PAFAH1B1: variants seen among roughly 807,000 people sequenced by gnomAD.
PAFAH1B1 encodes the protein platelet-activating factor acetylhydrolase IB subunit beta.
Under a neutral mutation model 57.5 loss-of-function variants are expected in PAFAH1B1, and 2 were observed. The observed-to-expected ratio is 0.03, with a 90% CI of 0.01 to 0.11. The LOEUF (loss-of-function observed/expected upper bound fraction) is 0.11. Among genes scored for constraint, PAFAH1B1 ranks in the 10% least tolerant of loss-of-function variants. The probability of loss-of-function intolerance (pLI) is 1.00; values close to 1 mark genes in which losing one functional copy is unlikely to be tolerated. For synonymous variants in PAFAH1B1, 152 were observed against 169.6 expected, an observed-to-expected ratio of 0.90 and a Z score of 0.81; for missense variants, 257 against 512.0, an observed-to-expected ratio of 0.50 and a Z score of 4.81.
intron 1 of PAFAH1B1, among the ~76,000 whole-genome samples, chr17:2,610,222 ATT>A (rs2068252351): frequency 6.6e-6 from 1 of 152,224 alleles, no homozygotes; most frequent in Admixed American, 6.6e-5. Flanking sequence ...TGGTCTCTGT[ATT>A]TGATTTGTAA....
chr17:2,620,232 T>C (rs1383199396), intron 1 of PAFAH1B1, among the ~76,000 whole-genome samples: 1 of 152,228 alleles, frequency 6.6e-6, no homozygotes, highest in Non-Finnish European at 1.5e-5. Context: ...GTTGATTGTC[T>C]AAGCCTAAAG....
intron 1 of PAFAH1B1, among the ~76,000 whole-genome samples, chr17:2,622,928 G>A (rs546998640): frequency 1.8e-4 from 28 of 152,304 alleles, no homozygotes; most frequent in Middle Eastern, 3.4e-3. Flanking sequence ...TCAACACCAC[G>A]TGGAAGCTGC....
chr17:2,649,156 G>A (rs948194721), intron 2 of PAFAH1B1, among the ~76,000 whole-genome samples: 5 of 150,406 alleles, frequency 3.3e-5, no homozygotes, highest in Non-Finnish European at 7.4e-5. Context: ...GGCAGAGGCT[G>A]CAGTGAGGCG....
Position 2,658,849 on chromosome 17 carries a change from G to A in PAFAH1B1, c.33-6523G>A, listed in dbSNP as rs1456832245. Among the ~76,000 whole-genome samples, 3 of 152,298 alleles carry A rather than the reference G, an allele frequency of 2.0e-5. No individual in the cohort carries two copies. In the South Asian group the frequency reaches 6.2e-4, roughly 32 times the overall value. On this transcript the variant is annotated intron_variant, in intron 2 of 10. Transcript: ENST00000397195. ...GTAATGGCAATCAATTTGTCAGACA[G>A]ATTTCTTAGGGTACGTGAGGTTGGA...
At chr17:2,655,457 T>C (rs2068924339) in intron 2 of PAFAH1B1, among the ~76,000 whole-genome samples, 2 of 152,144 alleles carry the variant, frequency 1.3e-5, no homozygotes, top group South Asian at 4.1e-4. Flanking sequence ...GTGGATCACC[T>C]GAAGTCAGGA....
At position 2,650,908 on chromosome 17, in the gene PAFAH1B1, T is replaced by C. The variant is rs77579902; in HGVS notation, c.32+12588T>C. 6.4e-3 allele frequency among the ~76,000 whole-genome samples: 976 copies of C among 152,310 alleles called. 14 individuals carry two copies. Among genetic ancestry groups the C allele is most frequent in the African/African-American group, 0.023 (938 of 41,580 alleles). ...GGACTTTAGGGTACTGAGTCACCCATGGTCATGTGTTGCAGAGAAGTGTCA... is the reference window on the plus strand; with the variant it reads ...GGACTTTAGGGTACTGAGTCACCCACGGTCATGTGTTGCAGAGAAGTGTCA... On this transcript the variant is annotated intron_variant, in intron 2 of 10. Transcript: ENST00000397195.
At chr17:2,621,805 T>TA (rs1362037727) in intron 1 of PAFAH1B1, among the ~76,000 whole-genome samples, 3 of 151,896 alleles carry the variant, frequency 2.0e-5, no homozygotes, top group Non-Finnish European at 4.4e-5. Flanking sequence ...TATTTTTTAG[T>TA]AGAGATGGGG....
chr17:2,676,562 A>G lies in PAFAH1B1; in HGVS notation c.958A>G (p.Ile320Val), dbSNP rs144659773. 2.4e-4 allele frequency: 385 copies of G among 1,613,296 alleles called. No individual in the cohort carries two copies. Among genetic ancestry groups the G allele is most frequent in the Non-Finnish European group, 3.0e-4 (349 of 1,179,344 alleles). Residue 320 changes from isoleucine (I) to valine (V), a missense_variant, in exon 9 of 11, where the codon ATT becomes GTT. Transcript: ENST00000397195. ...GCTGTCTGGATCCAGAGACAAGACTATTAAGATGTGGGATGTCAGTACTGG... is the reference window on the plus strand; with the variant it reads ...GCTGTCTGGATCCAGAGACAAGACTGTTAAGATGTGGGATGTCAGTACTGG... ...FLLSGSRDKTIKMWDVSTGMC... is the reference protein window; with the variant it reads ...FLLSGSRDKTVKMWDVSTGMC...
At chr17:2,610,165 T>C (rs1468898663) in intron 1 of PAFAH1B1, among the ~76,000 whole-genome samples, 1 of 152,240 alleles carries the variant, frequency 6.6e-6, no homozygotes, top group Non-Finnish European at 1.5e-5. Flanking sequence ...CGCAGTTCTA[T>C]CATTGGTGTT....
At chr17:2,631,423 G>A (rs1306851853) in intron 1 of PAFAH1B1, among the ~76,000 whole-genome samples, 4 of 152,096 alleles carry the variant, frequency 2.6e-5, no homozygotes. Flanking sequence ...ACAAAATTTG[G>A]CTAGAGAATT....
intron 4 of PAFAH1B1, 41 bp from the exon 5 acceptor site, chr17:2,666,951 A>G (rs372123921): frequency 2.0e-6 from 3 of 1,472,580 alleles, no homozygotes; most frequent in Admixed American, 3.4e-5. Context: ...TGCTATTTTT[A>G]TTGAAATCTA....
chr17:2,654,417 C>A (rs1310615338), intron 2 of PAFAH1B1, among the ~76,000 whole-genome samples: 1 of 151,732 alleles, frequency 6.6e-6, no homozygotes, highest in Non-Finnish European at 1.5e-5. Flanking sequence ...CTCAGGTGAT[C>A]GCCCGCCTCA....
At chr17:2,605,244 A>G (rs916611626) in intron 1 of PAFAH1B1, among the ~76,000 whole-genome samples, 1 of 152,168 alleles carries the variant, frequency 6.6e-6, no homozygotes, top group African/African-American at 2.4e-5. Context: ...AGTTGAAACA[A>G]TTCAGATTTG....
At chr17:2,618,407 T>A (rs1289682199) in intron 1 of PAFAH1B1, among the ~76,000 whole-genome samples, 1 of 152,128 alleles carries the variant, frequency 6.6e-6, no homozygotes, top group African/African-American at 2.4e-5. Context: ...AAAACAATTT[T>A]AAAACTCTAG....
In PAFAH1B1 at chr17:2,663,914, C is replaced by T. The variant is rs190143893; in HGVS notation, c.33-1458C>T. On this transcript the variant is annotated intron_variant, in intron 2 of 10. Transcript: ENST00000397195. ...TTCACCATGTTGGCCAGGCTGGTCT[C>T]GAGCTCCCGACCTCGTGATGCGCCC... 3.8e-4 allele frequency among the ~76,000 whole-genome samples: 57 copies of T among 151,930 alleles called. No homozygotes were observed. The East Asian group carries it at 9.2e-3, about 24-fold the overall frequency.
In PAFAH1B1 at chr17:2,684,776, G is replaced by A. The variant is rs148930389; in HGVS notation, c.*2974G>A. 5 of 152,680 alleles carry A rather than the reference G, an allele frequency of 3.3e-5. No homozygotes were observed. The highest frequency in any genetic ancestry group is 2.1e-4 in the South Asian group (1 of 4,820). 9.5% of individuals were successfully genotyped at this position (152,680 alleles called of 1,614,324 possible). ...ATCACTAGTGTTAGCAAGTCGTCCC[G>A]GGCTGGGGAGCGTTCGCCGTAGTCT... On this transcript the variant is annotated 3_prime_UTR_variant, in exon 11 of 11. Transcript: ENST00000397195.
At chr17:2,670,124 A>G (rs1188697089) in intron 5 of PAFAH1B1, 39 bp from the exon 6 acceptor site, 3 of 1,585,002 alleles carry the variant, frequency 1.9e-6, no homozygotes, top group East Asian at 2.2e-5. Context: ...GAAAGGAGTG[A>G]TGGAGTTGGT....
chr17:2,600,043 G>A (rs1023870624), intron 1 of PAFAH1B1, among the ~76,000 whole-genome samples: 46 of 128,292 alleles, frequency 3.6e-4, no homozygotes, highest in African/African-American at 1.4e-3. Flanking sequence ...GCAGTGTCTC[G>A]ATCTCAGCTC....
intron 7 of PAFAH1B1, 104 bp from the exon 8 acceptor site, chr17:2,673,956 A>C (rs535070329): frequency 1.3e-6 from 1 of 793,268 alleles, no homozygotes. Context: ...TTGCATCTCT[A>C]ACTTGGTACC....
Sources: gnomAD v4.1 joint callset for allele counts (sites outside exome capture counted in the v4.1 genomes callset) on GRCh38, gnomAD v4.1.1 for gene constraint, MANE v1.5 for transcripts, NCBI Gene and HGNC (gene_info 2026-07-23, HGNC 2026-07-21) for gene names.